SEPTIN6: variants seen among roughly 807,000 people sequenced by gnomAD.
SEPTIN6 encodes septin-6.
In SEPTIN6, 8 loss-of-function variants were observed where a neutral mutation model predicts 33.6. That is an observed-to-expected ratio of 0.24 (90% confidence interval 0.14 to 0.43). SEPTIN6 has a LOEUF of 0.43. Among genes scored for constraint, SEPTIN6 ranks in the 20% least tolerant of loss-of-function variants. SEPTIN6 has a pLI of 1.00. For missense variants in SEPTIN6, 250 were observed against 340.8 expected, an observed-to-expected ratio of 0.73 and a Z score of 2.10; for synonymous variants, 131 against 140.0, an observed-to-expected ratio of 0.94 and a Z score of 0.45.
At chrX:119,656,751 T>C (rs1033052978) in intron 3 of SEPTIN6, among the ~76,000 whole-genome samples, 1 of 111,277 alleles carries the variant, frequency 9.0e-6, no homozygotes, top group Non-Finnish European at 1.9e-5. Flanking sequence ...CTGGGCATGG[T>C]GGCGTGCGCC....
At position 119,619,261 on chromosome X, in the gene SEPTIN6, C is replaced by T. The variant is rs2053710680; in HGVS notation, c.*832G>A. The T allele has an allele frequency of 2.0e-5, 16 of 816,317 alleles. No homozygotes were observed. The highest frequency in any genetic ancestry group is 6.5e-5 in the South Asian group (1 of 15,317). 67.3% of individuals were successfully genotyped at this position (816,317 alleles called of 1,213,427 possible). On this transcript the variant is annotated 3_prime_UTR_variant, in exon 11 of 11. Coordinates refer to ENST00000394610, the MANE Select transcript of SEPTIN6 (RefSeq NM_145799.4). ...TGGAGCCCTTCCGGAAATTACCCCCCGAGATGCTGAAATACCTCACAAGAA... is the reference window on the plus strand; with the variant it reads ...TGGAGCCCTTCCGGAAATTACCCCCTGAGATGCTGAAATACCTCACAAGAA...
Position 119,651,947 on chromosome X carries a change from C to T in SEPTIN6, c.528+907G>A, listed in dbSNP as rs147885105. On this transcript the variant is annotated intron_variant, in intron 4 of 10. Transcript: ENST00000394610. Reference sequence around the variant, plus strand: ...TGTGAATTCGATTATTTTTTTGATACGGAGTCTGGCTGTGTCGCCCAGGCT... The same window carrying T: ...TGTGAATTCGATTATTTTTTTGATATGGAGTCTGGCTGTGTCGCCCAGGCT... Among the ~76,000 whole-genome samples, 786 of 111,922 alleles carry T rather than the reference C, an allele frequency of 7.0e-3. 12 individuals carry two copies. Among genetic ancestry groups the T allele is most frequent in the African/African-American group, 0.025 (761 of 30,868 alleles).
At chrX:119,668,255 C>T (rs1413571362) in intron 2 of SEPTIN6, among the ~76,000 whole-genome samples, 2 of 110,563 alleles carry the variant, frequency 1.8e-5, no homozygotes, top group Non-Finnish European at 3.8e-5. Context: ...GAGATCTCAC[C>T]ACCACACTCC....
chrX:119,686,703 G>A, intron 1 of SEPTIN6: 1 of 636,060 alleles, frequency 1.6e-6, no homozygotes, highest in Non-Finnish European at 2.2e-6. Flanking sequence ...CACTCCAGTT[G>A]TTACTTAAAA....
At chrX:119,675,932 C>T (rs943594832) in intron 1 of SEPTIN6, among the ~76,000 whole-genome samples, 1 of 110,204 alleles carries the variant, frequency 9.1e-6, no homozygotes, top group Non-Finnish European at 1.9e-5. Flanking sequence ...TTATTAGGGG[C>T]AGGAGAGTGG....
chrX:119,688,494 G>T (rs1362170346), intron 1 of SEPTIN6, among the ~76,000 whole-genome samples: 1 of 110,975 alleles, frequency 9.0e-6, no homozygotes, highest in Non-Finnish European at 1.9e-5. Flanking sequence ...AGATCACGAG[G>T]TCAGGAGTTC....
intron 9 of SEPTIN6, among the ~76,000 whole-genome samples, chrX:119,628,290 T>TAA (rs2147459219): frequency 9.3e-6 from 1 of 107,616 alleles, no homozygotes; most frequent in South Asian, 4.1e-4. Context: ...TATTTTTTTT[T>TAA]TTTTTTTAGA....
At chrX:119,630,841 C>T (rs971426469) in intron 8 of SEPTIN6, among the ~76,000 whole-genome samples, 6 of 108,484 alleles carry the variant, frequency 5.5e-5, no homozygotes, top group Admixed American at 9.9e-5. Flanking sequence ...TTCAGTGAGC[C>T]GAGATCGCAC....
At chrX:119,675,522 G>T in intron 2 of SEPTIN6, 32 bp downstream of exon 2, 1 of 883,268 alleles carries the variant, frequency 1.1e-6, no homozygotes, top group Non-Finnish European at 1.6e-6. Context: ...TCCATATTCT[G>T]TAATAGAATT....
intron 1 of SEPTIN6, among the ~76,000 whole-genome samples, chrX:119,685,011 G>A (rs894131276): frequency 5.4e-5 from 6 of 112,089 alleles, no homozygotes; most frequent in Non-Finnish European, 3.8e-5. Context: ...TTGGGGAGCA[G>A]TTGTGCTGAA....
Position 119,618,920 on chromosome X carries a change from T to C in SEPTIN6, c.*1173A>G, listed in dbSNP as rs1045953954. The stretch of plus-strand genomic sequence containing the variant: ...ACCCTGACAAGGGAGGGCTCTCTAC[T>C]TCACAGAGGTTCCCAAAGCCACTAT... On this transcript the variant is annotated 3_prime_UTR_variant, in exon 11 of 11. Coordinates refer to ENST00000394610, the MANE Select transcript of SEPTIN6 (RefSeq NM_145799.4). 1 of 1,044,697 alleles carries C rather than the reference T, an allele frequency of 9.6e-7. No homozygotes were observed. The highest frequency in any genetic ancestry group is 1.2e-6 in the Non-Finnish European group (1 of 809,909). The allele number at this position is 1,044,697 out of a possible 1,213,427, so 86.1% of individuals were successfully genotyped here.
chrX:119,687,053 C>T (rs750123008), intron 1 of SEPTIN6, among the ~76,000 whole-genome samples: 1 of 111,131 alleles, frequency 9.0e-6, no homozygotes, highest in Admixed American at 9.5e-5. Flanking sequence ...AATAGCACTT[C>T]GGACTAAGTA....
At chrX:119,674,853 C>T (rs1209296148) in intron 2 of SEPTIN6, among the ~76,000 whole-genome samples, 5 of 111,715 alleles carry the variant, frequency 4.5e-5, no homozygotes, top group Admixed American at 1.9e-4. Context: ...CCGCACTCTA[C>T]TTGTGCTGTG....
intron 2 of SEPTIN6, among the ~76,000 whole-genome samples, chrX:119,665,877 C>T (rs910644560): frequency 4.5e-5 from 5 of 110,023 alleles, no homozygotes; most frequent in African/African-American, 1.7e-4. Flanking sequence ...GTCAGGAGAT[C>T]GAGACCATCC....
chrX:119,680,100 A>G lies in SEPTIN6; in HGVS notation c.31-4432T>C, dbSNP rs777257370. On this transcript the variant is annotated intron_variant, in intron 1 of 10. Transcript: ENST00000394610. ...ATTTTTTATTTTGTGGAAGTAATCA[A>G]TGTTCACTGTAGAAATTTTAGAACA... Among the ~76,000 whole-genome samples, 325 of 111,638 alleles carry G rather than the reference A, an allele frequency of 2.9e-3. 2 individuals carry two copies. The highest frequency in any genetic ancestry group is 9.5e-3 in the African/African-American group (292 of 30,768).
At chrX:119,652,516 T>C (rs185400767) in intron 4 of SEPTIN6, among the ~76,000 whole-genome samples, 1 of 112,113 alleles carries the variant, frequency 8.9e-6, no homozygotes, top group African/African-American at 3.2e-5. Flanking sequence ...CAAAGTCAAG[T>C]TTGCATGTTT....
In SEPTIN6 at chrX:119,693,086, G is replaced by A. The variant is rs1411242759; in HGVS notation, c.20C>T (p.Ala7Val). The A allele has an allele frequency of 3.4e-6, 4 of 1,173,319 alleles. No individual in the cohort carries two copies. In the South Asian group the frequency reaches 5.7e-5, roughly 17 times the overall value. Residue 7 changes from alanine (A) to valine (V), a missense_variant, in exon 1 of 11, where the codon GCT becomes GTT. By Grantham distance (64) the Ala-to-Val change is moderately conservative. This residue lies in a region of SEPTIN6 where 111 missense variants were observed against 113.8 expected (regional missense o/e 0.98). Coordinates refer to ENST00000394610, the MANE Select transcript of SEPTIN6 (RefSeq NM_145799.4). MAATDI[A>V]RQVGEGCRTV... ...AAGCTCTGCACTTACCACCTGGCGA[G>A]CTATATCGGTCGCTGCCATCGCTCC...
Position 119,673,671 on chromosome X carries a change from C to T in SEPTIN6, c.145+1883G>A, listed in dbSNP as rs188985202. Among the ~76,000 whole-genome samples, 87 of 108,699 alleles carry T rather than the reference C, an allele frequency of 8.0e-4. No individual in the cohort carries two copies. The South Asian group carries it at 8.7e-3, about 11-fold the overall frequency. 94.4% of individuals were successfully genotyped at this position (108,699 alleles called of 115,157 possible). On this transcript the variant is annotated intron_variant, in intron 2 of 10. Coordinates refer to ENST00000394610, the MANE Select transcript of SEPTIN6 (RefSeq NM_145799.4). ...CACTTGAGGTCAGGAATTGAAACTCCGTCTCTACTAAAAATACAGAAATTA... is the reference window on the plus strand; with the variant it reads ...CACTTGAGGTCAGGAATTGAAACTCTGTCTCTACTAAAAATACAGAAATTA...
intron 3 of SEPTIN6, among the ~76,000 whole-genome samples, chrX:119,661,115 G>A (rs1255704643): frequency 1.9e-5 from 2 of 102,860 alleles, no homozygotes; most frequent in Non-Finnish European, 3.9e-5. Flanking sequence ...ACAGAACTCA[G>A]TTCCATTATT....
Sources: gnomAD v4.1 joint callset for allele counts (sites outside exome capture counted in the v4.1 genomes callset) on GRCh38, gnomAD v4.1.1 for gene constraint, gnomAD v4.1.1 regional missense constraint, MANE v1.5 for transcripts, NCBI Gene and HGNC (gene_info 2026-07-23, HGNC 2026-07-21) for gene names.